Variants in AFF3 observed in about 807,000 individuals in gnomAD.
The protein encoded by AFF3 is AF4/FMR2 family member 3.
Under a neutral mutation model 129.7 loss-of-function variants are expected in AFF3, and 32 were observed. The observed-to-expected ratio is 0.25, with a 90% CI of 0.19 to 0.33. The LOEUF is 0.33. Ranked by LOEUF, AFF3 falls within the 10% of genes least tolerant of loss-of-function variation. The pLI is 1.00. For synonymous variants in AFF3, 644 were observed against 635.4 expected, an observed-to-expected ratio of 1.01 and a Z score of -0.20; for missense variants, 1,373 against 1,592.0, an observed-to-expected ratio of 0.86 and a Z score of 2.34.
intron 7 of AFF3, among the ~76,000 whole-genome samples, chr2:99,879,743 C>T (rs959866211): frequency 2.6e-5 from 4 of 152,218 alleles, no homozygotes; most frequent in Non-Finnish European, 4.4e-5. Flanking sequence ...CATATCTGTG[C>T]TCTGCGACCT....
chr2:100,031,259 T>C (rs373696976), intron 4 of AFF3, among the ~76,000 whole-genome samples: 9 of 152,134 alleles, frequency 5.9e-5, no homozygotes, highest in East Asian at 1.9e-4. Context: ...TGTAAGTAAA[T>C]AGATGGTGAA....
intron 8 of AFF3, among the ~76,000 whole-genome samples, chr2:99,777,083 G>A (rs1319238531): frequency 2.6e-5 from 4 of 152,204 alleles, no homozygotes; most frequent in Admixed American, 1.3e-4. Flanking sequence ...CCAAATGAGG[G>A]ACAGGCGGTG....
At chr2:100,100,212 T>TA (rs1401590687) in intron 4 of AFF3, among the ~76,000 whole-genome samples, 1 of 108,766 alleles carries the variant, frequency 9.2e-6, no homozygotes, top group African/African-American at 3.5e-5. Context: ...TGTATGTTGA[T>TA]AGACTTTCTC....
chr2:99,805,700 A>G (rs1158608795), intron 8 of AFF3, among the ~76,000 whole-genome samples: 1 of 152,186 alleles, frequency 6.6e-6, no homozygotes, highest in Non-Finnish European at 1.5e-5. Context: ...ATCATTAATA[A>G]CATAACACTT....
At chr2:99,828,873 C>T (rs1338282088) in intron 8 of AFF3, among the ~76,000 whole-genome samples, 2 of 152,128 alleles carry the variant, frequency 1.3e-5, no homozygotes, top group Non-Finnish European at 2.9e-5. Flanking sequence ...CATTCACATT[C>T]CAAAAATACT....
At chr2:99,876,726 T>G (rs922897731) in intron 7 of AFF3, among the ~76,000 whole-genome samples, 2 of 152,088 alleles carry the variant, frequency 1.3e-5, no homozygotes, top group African/African-American at 4.8e-5. Flanking sequence ...ATCTAGTGCC[T>G]CCGCACCCTC....
intron 4 of AFF3, among the ~76,000 whole-genome samples, chr2:100,060,381 T>C (rs1559095806): frequency 6.6e-6 from 1 of 152,090 alleles, no homozygotes; most frequent in African/African-American, 2.4e-5. Flanking sequence ...AGGAACAAAA[T>C]AGGGCTTCAA....
At chr2:100,126,428 C>T (rs576164683) in intron 2 of AFF3, among the ~76,000 whole-genome samples, 2 of 152,290 alleles carry the variant, frequency 1.3e-5, no homozygotes, top group South Asian at 4.1e-4. Flanking sequence ...GATGTGGATG[C>T]ACACAGATCC....
chr2:99,843,683 GA>G (rs1158221265), intron 7 of AFF3, among the ~76,000 whole-genome samples: 7 of 152,056 alleles, frequency 4.6e-5, no homozygotes, highest in Non-Finnish European at 1.0e-4. Flanking sequence ...CATAAATCCA[GA>G]AAAACTGAAA....
At chr2:99,742,558 AC>A (rs894042271) in intron 10 of AFF3, among the ~76,000 whole-genome samples, 2 of 152,210 alleles carry the variant, frequency 1.3e-5, no homozygotes, top group African/African-American at 4.8e-5. Flanking sequence ...CACAGAAATC[AC>A]AGCAGACAGT....
At chr2:99,779,416 T>C (rs1285838914) in intron 8 of AFF3, among the ~76,000 whole-genome samples, 1 of 152,238 alleles carries the variant, frequency 6.6e-6, no homozygotes, top group Non-Finnish European at 1.5e-5. Flanking sequence ...ATGATAAATA[T>C]GCTCATAATA....
rs564303289 is a variant in AFF3 at position 100,080,589 on chromosome 2, C to A, written c.53+23813G>T. Among the ~76,000 whole-genome samples, 3 of 150,916 alleles carry A rather than the reference C, an allele frequency of 2.0e-5. No individual in the cohort carries two copies. The South Asian group carries it at 6.3e-4, about 32-fold the overall frequency. ...GAGGGAGGAAAGGACAGTCTATTAG[C>A]AAAAAAAATATATACATATATATTA... is the stretch of plus-strand genomic sequence containing the variant. On this transcript the variant is annotated intron_variant, in intron 4 of 24. Transcript: ENST00000672756.
Position 99,578,388 on chromosome 2 carries a change from A to C in AFF3, c.2857T>G (p.Trp953Gly). The C allele has an allele frequency of 6.2e-7, 1 of 1,611,232 alleles. No homozygotes were observed. The highest frequency in any genetic ancestry group is 8.5e-7 in the Non-Finnish European group (1 of 1,179,056). ...LHKSRPQTKP[W>G]SPGSNGHRDC... The stretch of plus-strand genomic sequence containing the variant: ...CTGTGGCCGTTGGAGCCTGGAGACC[A>C]CGGCTTCGTCTGCGGCCGTGACTTG... The change falls in exon 18 of 25, where the codon TGG becomes GGG. Residue 953 changes from tryptophan to glycine, a missense_variant. Transcript: ENST00000672756.
At chr2:99,725,561 C>A (rs1385743655) in intron 11 of AFF3, among the ~76,000 whole-genome samples, 1 of 151,662 alleles carries the variant, frequency 6.6e-6, no homozygotes, top group Admixed American at 6.6e-5. Context: ...AATTCCTGGT[C>A]TCAAGTGATC....
intron 7 of AFF3, among the ~76,000 whole-genome samples, chr2:99,904,617 T>C (rs1694578643): frequency 6.6e-6 from 1 of 152,166 alleles, no homozygotes; most frequent in Admixed American, 6.5e-5. Flanking sequence ...GCTTTCTTTT[T>C]ATTAATATGC....
At chr2:99,724,271 C>CTTTTTTTTTTTTTTTTT (rs58303232) in intron 11 of AFF3, among the ~76,000 whole-genome samples, 1,819 of 66,756 alleles carry the variant, frequency 0.027, 576 homozygotes, top group East Asian at 0.07. Flanking sequence ...AATGACCTTT[C>CTTTTTTTTTTTTTTTTT]TTTTTTTTTT....
At chr2:99,631,956 A>G (rs184374678) in intron 13 of AFF3, among the ~76,000 whole-genome samples, 2 of 144,928 alleles carry the variant, frequency 1.4e-5, no homozygotes, top group East Asian at 4.1e-4. Context: ...GCACCATTTT[A>G]GTTCCCATAA....
intron 13 of AFF3, among the ~76,000 whole-genome samples, chr2:99,620,075 G>A (rs1172277382): frequency 1.3e-5 from 2 of 152,156 alleles, no homozygotes; most frequent in Non-Finnish European, 2.9e-5. Context: ...CTCCAGTAAT[G>A]GGATCCTGGG....
chr2:100,031,323 C>T (rs1052932099), intron 4 of AFF3, among the ~76,000 whole-genome samples: 1 of 152,034 alleles, frequency 6.6e-6, no homozygotes, highest in Non-Finnish European at 1.5e-5. Context: ...ACATATGCAA[C>T]GGAAGGAAGT....
Sources: allele counts gnomAD v4.1 joint callset (sites outside exome capture counted in the v4.1 genomes callset), GRCh38; gene constraint gnomAD v4.1.1; transcripts MANE v1.5; gene names NCBI Gene and HGNC (gene_info 2026-07-23, HGNC 2026-07-21).